The following CD38 variants were observed in gnomAD, a reference collection of about 807,000 sequenced individuals.
CD38 encodes ADP-ribosyl cyclase/cyclic ADP-ribose hydrolase 1.
A neutral mutation model predicts 36.3 loss-of-function variants in CD38; 31 were observed. The ratio of observed to expected loss-of-function variants is 0.85; its 90% CI spans 0.64 to 1.15. The LOEUF is 1.15. Among genes scored for constraint, CD38 ranks in the 50% most tolerant of loss-of-function variants. The pLI is 0.00. For missense variants in CD38, 380 were observed against 371.9 expected (o/e 1.02, Z -0.18); for synonymous variants, 131 against 135.2 (o/e 0.97, Z 0.22).
At chr4:15,805,937 TG>T (rs1723331664) in intron 1 of CD38, among the ~76,000 whole-genome samples, 1 of 152,054 alleles carries the variant, frequency 6.6e-6, no homozygotes, top group Non-Finnish European at 1.5e-5. Flanking sequence ...AAAGGACGAG[TG>T]TAATTACCCT....
intron 4 of CD38, among the ~76,000 whole-genome samples, chr4:15,834,591 A>G (rs1302127386): frequency 6.6e-6 from 1 of 152,172 alleles, no homozygotes; most frequent in Non-Finnish European, 1.5e-5. Flanking sequence ...TGATTCAGGT[A>G]TTAGTCAATC....
intron 2 of CD38, among the ~76,000 whole-genome samples, chr4:15,819,850 AC>A (rs754052700): frequency 6.6e-5 from 10 of 152,194 alleles, no homozygotes; most frequent in Non-Finnish European, 5.9e-5. Flanking sequence ...AACTTCTTCA[AC>A]CTAGCAAGAT....
At chr4:15,835,341 G>C (rs1355617758) in intron 4 of CD38, among the ~76,000 whole-genome samples, 1 of 112,108 alleles carries the variant, frequency 8.9e-6, no homozygotes, top group South Asian at 3.2e-4. Context: ...TTCCTTCCAT[G>C]TTGCTGCAAA....
rs760980570 is a variant in CD38, at chr4:15,825,053, T to G, written c.499+37T>G. ...GGCCCTGTGGGATTGCCCAGGGATGTGGAGGGTGAACAGAGTGACTTCTGC... is the reference window on the plus strand; with the variant it reads ...GGCCCTGTGGGATTGCCCAGGGATGGGGAGGGTGAACAGAGTGACTTCTGC... On this transcript the variant is annotated intron_variant, in intron 3 of 7. Transcript: ENST00000226279. 36 of 1,570,714 alleles carry G rather than the reference T, an allele frequency of 2.3e-5. No homozygotes were observed. In the South Asian group the frequency reaches 3.4e-4, roughly 15 times the overall value.
intron 1 of CD38, among the ~76,000 whole-genome samples, chr4:15,790,833 G>A (rs1722960477): frequency 1.4e-5 from 2 of 145,010 alleles, no homozygotes; most frequent in East Asian, 2.1e-4. Flanking sequence ...CCGCCGCCCT[G>A]TCTGGGATGT....
At chr4:15,841,475 T>G (rs933213168) in intron 7 of CD38, among the ~76,000 whole-genome samples, 5 of 152,170 alleles carry the variant, frequency 3.3e-5, no homozygotes, top group Non-Finnish European at 4.4e-5. Context: ...GAAAAGGCCA[T>G]GAGCATTCTA....
intron 1 of CD38, among the ~76,000 whole-genome samples, chr4:15,791,421 G>C (rs563184500): frequency 1 from 4,123 of 4,132 alleles, 2,058 homozygotes; most frequent in Middle Eastern, 1. Flanking sequence ...CCGTCCGCCC[G>C]TACTGGGAAG....
At chr4:15,822,231 A>G (rs1233393339) in intron 2 of CD38, among the ~76,000 whole-genome samples, 1 of 152,174 alleles carries the variant, frequency 6.6e-6, no homozygotes, top group Non-Finnish European at 1.5e-5. Context: ...CCCACAAGCA[A>G]TATCATACTG....
intron 1 of CD38, among the ~76,000 whole-genome samples, chr4:15,783,571 C>T (rs886664956): frequency 2.0e-5 from 3 of 152,160 alleles, no homozygotes; most frequent in African/African-American, 7.2e-5. Flanking sequence ...CATTGCTTAT[C>T]ACCTAACAGT....
chr4:15,815,220 T>C (rs1723571391), intron 1 of CD38, among the ~76,000 whole-genome samples: 1 of 152,234 alleles, frequency 6.6e-6, no homozygotes, highest in African/African-American at 2.4e-5. Flanking sequence ...AACTTCGTTC[T>C]TTTTGCTTAG....
At chr4:15,787,580 G>A (rs373264699) in intron 1 of CD38, among the ~76,000 whole-genome samples, 14 of 152,180 alleles carry the variant, frequency 9.2e-5, no homozygotes, top group African/African-American at 2.9e-4. Flanking sequence ...GAGTCACGAC[G>A]CCTTGTCTTT....
chr4:15,841,137 T>C (rs1338908584), intron 7 of CD38, among the ~76,000 whole-genome samples: 2 of 152,204 alleles, frequency 1.3e-5, no homozygotes, highest in East Asian at 1.9e-4. Context: ...AAGTCACATA[T>C]AATTCTAGTT....
intron 2 of CD38, 57 bp from the exon 3 acceptor site, chr4:15,824,802 TCATTTACAAAACTGTGGATTAA>T (rs1723813134): frequency 8.6e-7 from 1 of 1,164,122 alleles, no homozygotes; most frequent in Non-Finnish European, 1.2e-6. Flanking sequence ...GTTTTTTTTT[TCATTTACAAAACTGTGGATTAA>T]TTTTTTTTGA....
At chr4:15,791,615 G>A (rs1264220369) in intron 1 of CD38, among the ~76,000 whole-genome samples, 13 of 97,372 alleles carry the variant, frequency 1.3e-4, no homozygotes, top group African/African-American at 2.4e-4. Context: ...CGCCCCGTCC[G>A]GGAGGGAGGT....
At chr4:15,810,502 T>C (rs1053045456) in intron 1 of CD38, among the ~76,000 whole-genome samples, 1 of 152,228 alleles carries the variant, frequency 6.6e-6, no homozygotes, top group Non-Finnish European at 1.5e-5. Context: ...ACTGCATTAA[T>C]AGAATTGAAA....
At chr4:15,848,172 T>A (rs753234699) in intron 7 of CD38, among the ~76,000 whole-genome samples, 9 of 152,206 alleles carry the variant, frequency 5.9e-5, no homozygotes, top group Non-Finnish European at 1.3e-4. Context: ...ACCTGTTAGG[T>A]ACTTATCTAA....
At chr4:15,779,577 A>AT (rs1247664070) in intron 1 of CD38, among the ~76,000 whole-genome samples, 1 of 152,184 alleles carries the variant, frequency 6.6e-6, no homozygotes, top group Non-Finnish European at 1.5e-5. Flanking sequence ...AATCCGAGGA[A>AT]ACGAGCAAAT....
rs1724180929 is a variant in CD38 at position 15,840,487 on chromosome 4, A to G, written c.788A>G (p.Glu263Gly). The G allele has an allele frequency of 6.2e-7, 1 of 1,606,196 alleles. No homozygotes were observed. Among genetic ancestry groups the G allele is most frequent in the African/African-American group, 1.3e-5 (1 of 74,762 alleles). ...LCQDPTIKEL[E>G]SIISKRNIQF... Reference sequence around the variant, plus strand: ...CAGGATCCCACCATAAAAGAGCTGGAATCGATTATAAGCAAAAGGAATATT... The same window carrying G: ...CAGGATCCCACCATAAAAGAGCTGGGATCGATTATAAGCAAAAGGAATATT... The change falls in exon 7 of 8, where the codon GAA (glutamate) becomes GGA (glycine). Residue 263 changes from glutamate to glycine, a missense_variant. Glu to Gly is a moderately conservative substitution (Grantham distance 98, BLOSUM62 -2). Coordinates refer to ENST00000226279, the MANE Select transcript of CD38 (RefSeq NM_001775.4).
intron 1 of CD38, among the ~76,000 whole-genome samples, chr4:15,797,400 G>GT (rs1723124528): frequency 6.6e-6 from 1 of 152,060 alleles, no homozygotes; most frequent in Non-Finnish European, 1.5e-5. Flanking sequence ...TTTTTTGTCA[G>GT]TTTTTGTGGG....
Sources: allele counts gnomAD v4.1 joint callset (sites outside exome capture counted in the v4.1 genomes callset), GRCh38; gene constraint gnomAD v4.1.1; transcripts MANE v1.5; gene names NCBI Gene and HGNC (gene_info 2026-07-23, HGNC 2026-07-21).